KCNMA1: variants seen among roughly 807,000 people sequenced by gnomAD.
The protein encoded by KCNMA1 is Calcium-activated potassium channel subunit alpha-1.
In KCNMA1, 29 loss-of-function variants were observed where a neutral mutation model predicts 140.0. The ratio of observed to expected loss-of-function variants is 0.21; its 90% CI spans 0.15 to 0.28. The LOEUF (loss-of-function observed/expected upper bound fraction) is 0.28, where lower values mean the gene tolerates loss of function less well. Among genes scored for constraint, KCNMA1 ranks in the 10% least tolerant of loss-of-function variants. The probability of loss-of-function intolerance (pLI) is 1.00; values close to 1 mark genes in which losing one functional copy is unlikely to be tolerated. For missense variants in KCNMA1, 880 were observed against 1,602.2 expected, an observed-to-expected ratio of 0.55 and a Z score of 7.70; for synonymous variants, 612 against 611.9, an observed-to-expected ratio of 1.00 and a Z score of 0.00.
intron 1 of KCNMA1, among the ~76,000 whole-genome samples, chr10:77,457,194 A>ACCCAGTCTTTACCCCTCGTCTG (rs1249292125): frequency 1.3e-5 from 2 of 151,750 alleles, no homozygotes; most frequent in Non-Finnish European, 2.9e-5. Flanking sequence ...TTGCTCTGAG[A>ACCCAGTCTTTACCCCTCGTCTG]CCCAGTCTTT....
chr10:77,125,521 C>G (rs963129962), intron 5 of KCNMA1, among the ~76,000 whole-genome samples: 1 of 152,216 alleles, frequency 6.6e-6, no homozygotes, highest in Non-Finnish European at 1.5e-5. Context: ...CTCAATGTCC[C>G]TTGATCAGCG....
intron 2 of KCNMA1, among the ~76,000 whole-genome samples, chr10:77,395,082 C>A (rs914509517): frequency 2.0e-5 from 3 of 152,068 alleles, no homozygotes; most frequent in African/African-American, 7.2e-5. Context: ...TATGGTGGCT[C>A]ACATCTGTAA....
At chr10:77,118,809 G>A (rs2097536602) in intron 6 of KCNMA1, among the ~76,000 whole-genome samples, 3 of 152,214 alleles carry the variant, frequency 2.0e-5, no homozygotes, top group African/African-American at 7.2e-5. Context: ...CCCCTACGCA[G>A]CAAGTTCTCT....
chr10:77,235,144 T>C (rs1371502274), intron 3 of KCNMA1, among the ~76,000 whole-genome samples: 2 of 152,176 alleles, frequency 1.3e-5, no homozygotes, highest in Non-Finnish European at 2.9e-5. Context: ...CCAGTCTGCT[T>C]CTCTAAATAT....
intron 13 of KCNMA1, among the ~76,000 whole-genome samples, chr10:77,075,798 G>C (rs2096376228): frequency 6.6e-6 from 1 of 152,190 alleles, no homozygotes; most frequent in African/African-American, 2.4e-5. Flanking sequence ...ACAAAGAGAA[G>C]AGACTGACCC....
chr10:77,347,555 G>A (rs1044935155), intron 2 of KCNMA1, among the ~76,000 whole-genome samples: 1 of 152,158 alleles, frequency 6.6e-6, no homozygotes, highest in African/African-American at 2.4e-5. Context: ...AGAGGCCAGG[G>A]TTTGACTCCT....
At chr10:77,469,549 C>T (rs1376576259) in intron 1 of KCNMA1, among the ~76,000 whole-genome samples, 2 of 152,136 alleles carry the variant, frequency 1.3e-5, no homozygotes, top group Non-Finnish European at 2.9e-5. Context: ...GGTGTGTGAA[C>T]TCACTGGCAG....
intron 1 of KCNMA1, among the ~76,000 whole-genome samples, chr10:77,412,302 T>C (rs1056127221): frequency 1.3e-5 from 2 of 152,186 alleles, no homozygotes; most frequent in Non-Finnish European, 2.9e-5. Flanking sequence ...CCCTGAGCCT[T>C]CATTGATGGA....
chr10:77,288,403 G>A (rs888193754), intron 2 of KCNMA1, among the ~76,000 whole-genome samples: 1 of 152,228 alleles, frequency 6.6e-6, no homozygotes, highest in African/African-American at 2.4e-5. Context: ...GACTTAGACT[G>A]ATCAGCAGTT....
intron 1 of KCNMA1, among the ~76,000 whole-genome samples, chr10:77,494,964 T>C (rs1299931022): frequency 6.6e-6 from 1 of 152,212 alleles, no homozygotes; most frequent in East Asian, 1.9e-4. Flanking sequence ...GTGTCCAAAG[T>C]TCCCCTTTTT....
chr10:76,895,231 A>G (rs2041997475), intron 25 of KCNMA1, among the ~76,000 whole-genome samples: 1 of 152,114 alleles, frequency 6.6e-6, no homozygotes, highest in African/African-American at 2.4e-5. Flanking sequence ...AGGGACAGGA[A>G]TTGCTCACTT....
At chr10:76,970,157 C>A in intron 19 of KCNMA1, 90 bp from the exon 20 acceptor site, 1 of 970,714 alleles carries the variant, frequency 1.0e-6, no homozygotes, top group African/African-American at 1.6e-5. Context: ...ACACTCAAGG[C>A]TCAGTCACTC....
chr10:77,625,591 T>C (rs1403146460), intron 1 of KCNMA1, among the ~76,000 whole-genome samples: 2 of 152,206 alleles, frequency 1.3e-5, no homozygotes, highest in Non-Finnish European at 2.9e-5. Context: ...ATGTACCTCA[T>C]GTAAGTGGAA....
At chr10:77,516,637 C>A (rs1477205137) in intron 1 of KCNMA1, among the ~76,000 whole-genome samples, 1 of 152,266 alleles carries the variant, frequency 6.6e-6, no homozygotes, top group East Asian at 1.9e-4. Context: ...CCTCTATATG[C>A]TGAGAGGCAG....
intron 3 of KCNMA1, 116 bp downstream of exon 3, chr10:77,251,079 A>G (rs2059572568): frequency 1.2e-6 from 1 of 836,304 alleles, no homozygotes; most frequent in African/African-American, 1.7e-5. Context: ...TTCCTCCAAA[A>G]TCTTCTGCAC....
chr10:77,430,344 CG>C (rs2097126797), intron 1 of KCNMA1, among the ~76,000 whole-genome samples: 1 of 152,150 alleles, frequency 6.6e-6, no homozygotes, highest in African/African-American at 2.4e-5. Flanking sequence ...GAGCAGGAGC[CG>C]AATGCACTAT....
At chr10:77,307,256 C>T (rs1006573811) in intron 2 of KCNMA1, among the ~76,000 whole-genome samples, 3 of 152,152 alleles carry the variant, frequency 2.0e-5, no homozygotes, top group Non-Finnish European at 4.4e-5. Flanking sequence ...CTCCCTCTTC[C>T]AAGCTCCAAG....
intron 2 of KCNMA1, among the ~76,000 whole-genome samples, chr10:77,364,946 C>A (rs2094246949): frequency 1.3e-5 from 2 of 152,214 alleles, no homozygotes; most frequent in Admixed American, 1.3e-4. Context: ...AACCTGCTTA[C>A]AAAGCTAGTC....
chr10:77,247,148 C>T (rs759522277), intron 3 of KCNMA1, among the ~76,000 whole-genome samples: 5 of 152,178 alleles, frequency 3.3e-5, no homozygotes, highest in Non-Finnish European at 5.9e-5. Flanking sequence ...TCATAATCCG[C>T]GTAACCGTAG....
Sources: allele counts gnomAD v4.1 joint callset (sites outside exome capture counted in the v4.1 genomes callset), GRCh38; gene constraint gnomAD v4.1.1; transcripts MANE v1.5; gene names NCBI Gene and HGNC (gene_info 2026-07-23, HGNC 2026-07-21).